SLC9D1: variants seen among roughly 807,000 people sequenced by gnomAD.
SLC9D1 encodes solute carrier family 9 member D1.
chr13:113,507,174 C>G, the SLC9D1 span, among the ~76,000 whole-genome samples: 2 of 152,092 alleles, frequency 1.3e-5, no homozygotes, highest in Non-Finnish European at 2.9e-5. Context: ...CACCCGTTGC[C>G]GAGCCTGTGC....
chr13:113,522,495 C>T, the SLC9D1 span, among the ~76,000 whole-genome samples: 2 of 152,202 alleles, frequency 1.3e-5, no homozygotes, highest in African/African-American at 2.4e-5. Flanking sequence ...CACCTGCCAC[C>T]AAGCCCGGCC....
At chr13:113,533,082 C>G in the SLC9D1 span, among the ~76,000 whole-genome samples, 3 of 55,688 alleles carry the variant, frequency 5.4e-5, no homozygotes, top group Admixed American at 1.9e-4. Flanking sequence ...GGCCCTGCAG[C>G]GAGCTCTGAA....
chr13:113,505,914 C>G, the SLC9D1 span: 1 of 152,288 alleles, frequency 6.6e-6, no homozygotes, highest in Non-Finnish European at 1.5e-5. Context: ...TCCCATTACT[C>G]TCCCTTTCCT....
At chr13:113,534,453 T>G in the SLC9D1 span, 1 of 563,024 alleles carries the variant, frequency 1.8e-6, no homozygotes, top group Non-Finnish European at 3.1e-6. Flanking sequence ...CTCATACTCT[T>G]AAGCACTTTG....
chr13:113,532,540 G>T, the SLC9D1 span, among the ~76,000 whole-genome samples: 1 of 152,114 alleles, frequency 6.6e-6, no homozygotes, highest in African/African-American at 2.4e-5. Flanking sequence ...GAGAGCAGAT[G>T]GATCAGGAGG....
chr13:113,549,820 T>A, the SLC9D1 span: 1 of 583,798 alleles, frequency 1.7e-6, no homozygotes, highest in South Asian at 2.2e-5. Flanking sequence ...TGCCTTTTTT[T>A]TTTTTCCCTG....
chr13:113,530,076 C>CA, the SLC9D1 span: 1 of 152,226 alleles, frequency 6.6e-6, no homozygotes, highest in Non-Finnish European at 1.5e-5. Flanking sequence ...TCCTATAGCA[C>CA]AGATGAAGCA....
the SLC9D1 span, among the ~76,000 whole-genome samples, chr13:113,515,914 A>AAAG: frequency 2.1e-5 from 3 of 143,440 alleles, no homozygotes; most frequent in African/African-American, 8.0e-5. Flanking sequence ...AAAAAAAAAA[A>AAAG]GAAATGCAGC....
chr13:113,503,881 A>T, the SLC9D1 span: 1 of 335,552 alleles, frequency 3.0e-6, no homozygotes, highest in South Asian at 4.2e-5. Flanking sequence ...TAAGGTGCGA[A>T]ACTGTTAGAG....
At chr13:113,494,655 CAT>C in the SLC9D1 span, among the ~76,000 whole-genome samples, 14 of 150,352 alleles carry the variant, frequency 9.3e-5, no homozygotes, top group African/African-American at 1.7e-4. Context: ...GGTATTGTGG[CAT>C]ATATATATAT....
At chr13:113,531,440 G>A in the SLC9D1 span, among the ~76,000 whole-genome samples, 1 of 151,782 alleles carries the variant, frequency 6.6e-6, no homozygotes, top group Non-Finnish European at 1.5e-5. Context: ...CAGCACACGC[G>A]TGGACCTGCA....
At chr13:113,524,179 A>G in the SLC9D1 span, 2 of 456,236 alleles carry the variant, frequency 4.4e-6, no homozygotes, top group South Asian at 3.1e-5. Context: ...TTGTTGAGGG[A>G]GATGGTATTG....
At chr13:113,526,061 G>A in the SLC9D1 span, among the ~76,000 whole-genome samples, 176 of 145,368 alleles carry the variant, frequency 1.2e-3, 1 homozygote, top group South Asian at 2.0e-3. Flanking sequence ...AGAACAAGCC[G>A]TCGTCGTCGT....
At chr13:113,549,510 C>A in the SLC9D1 span, 13 of 1,613,974 alleles carry the variant, frequency 8.1e-6, no homozygotes, top group Non-Finnish European at 1.1e-5. Flanking sequence ...AGGTGTGTGC[C>A]CAGACCGGAG....
chr13:113,549,479 C>G, the SLC9D1 span: 3 of 1,614,072 alleles, frequency 1.9e-6, no homozygotes, highest in Non-Finnish European at 2.5e-6. Context: ...CGCCCCGGTG[C>G]TGTGGAGAGC....
chr13:113,499,067 G>T, the SLC9D1 span, among the ~76,000 whole-genome samples: 2 of 152,156 alleles, frequency 1.3e-5, no homozygotes, highest in Non-Finnish European at 2.9e-5. Flanking sequence ...AAGGGGTGGC[G>T]GTTTACTAGA....
the SLC9D1 span, chr13:113,548,268 G>A: frequency 6.2e-7 from 1 of 1,610,890 alleles, no homozygotes; most frequent in Middle Eastern, 1.7e-4. Flanking sequence ...TGTGGGTCCA[G>A]TCTTCAGCAG....
chr13:113,510,561 A>T, the SLC9D1 span: 1 of 744,446 alleles, frequency 1.3e-6, no homozygotes, highest in Non-Finnish European at 2.2e-6. Context: ...ACCATGGTGG[A>T]TACCAGGGCT....
the SLC9D1 span, chr13:113,528,372 CGG>C: frequency 1.3e-5 from 2 of 152,238 alleles, no homozygotes; most frequent in Non-Finnish European, 2.9e-5. Flanking sequence ...TCATGGCAGG[CGG>C]TGGGGTGGAA....
Sources: allele counts gnomAD v4.1 joint callset (sites outside exome capture counted in the v4.1 genomes callset), GRCh38; gene constraint gnomAD v4.1.1; transcripts MANE v1.5; gene names NCBI Gene and HGNC (gene_info 2026-07-23, HGNC 2026-07-21).